Variants in UMAD1 observed in about 807,000 individuals in gnomAD.
UMAD1 encodes the protein UBAP1-MVB12-associated (UMA) domain containing 1, also known as UBAP1-MVB12-associated (UMA)-domain containing protein 1.
In UMAD1, 8 loss-of-function variants were observed where a neutral mutation model predicts 6.1. The observed-to-expected ratio is 1.30, with a 90% CI of 0.76 to 2.35. UMAD1 has a LOEUF of 2.35. Among genes scored for constraint, UMAD1 ranks in the 30% most tolerant of loss-of-function variants. UMAD1 has a pLI of 0.00. For synonymous variants in UMAD1, 56 were observed against 31.4 expected (o/e 1.78, Z -2.61); for missense variants, 130 against 78.4 (o/e 1.66, Z -2.49).
chr7:7,676,398 A>T (rs768842649), intron 2 of UMAD1, among the ~76,000 whole-genome samples: 9 of 152,240 alleles, frequency 5.9e-5, no homozygotes, highest in African/African-American at 1.7e-4. Flanking sequence ...AAGTTTCTCC[A>T]GTTAGTATGT....
intron 2 of UMAD1, among the ~76,000 whole-genome samples, chr7:7,774,924 C>T (rs113243329): frequency 0.015 from 2,341 of 152,260 alleles, 56 homozygotes; most frequent in African/African-American, 0.053. Context: ...GCAAAGGTAA[C>T]CTGTATCCTT....
intron 2 of UMAD1, among the ~76,000 whole-genome samples, chr7:7,775,785 A>C (rs1190971597): frequency 6.6e-6 from 1 of 152,234 alleles, no homozygotes; most frequent in Admixed American, 6.5e-5. Context: ...TGATGCAGCT[A>C]TTCTACTTCT....
intron 1 of UMAD1, among the ~76,000 whole-genome samples, chr7:7,660,838 A>T (rs1329731791): frequency 6.6e-6 from 1 of 152,118 alleles, no homozygotes; most frequent in South Asian, 2.1e-4. Context: ...CTGAATTTGA[A>T]TGTTGGCCTG....
At chr7:7,677,688 T>C (rs1167529475) in intron 2 of UMAD1, among the ~76,000 whole-genome samples, 1 of 143,864 alleles carries the variant, frequency 7.0e-6, no homozygotes, top group African/African-American at 2.6e-5. Context: ...TTTTTTTTTT[T>C]TTTGAGACGG....
At chr7:7,645,118 T>C (rs1785064712) in intron 1 of UMAD1, among the ~76,000 whole-genome samples, 1 of 152,194 alleles carries the variant, frequency 6.6e-6, no homozygotes, top group Non-Finnish European at 1.5e-5. Flanking sequence ...GAAATGCCAT[T>C]TTAAGAATTT....
At chr7:7,716,359 T>A (rs1470212297) in intron 2 of UMAD1, among the ~76,000 whole-genome samples, 1 of 152,240 alleles carries the variant, frequency 6.6e-6, no homozygotes, top group African/African-American at 2.4e-5. Context: ...TTAGTGAGGC[T>A]AAGAGAGTCC....
At chr7:7,727,631 A>C (rs1563159076) in intron 2 of UMAD1, among the ~76,000 whole-genome samples, 1 of 152,108 alleles carries the variant, frequency 6.6e-6, no homozygotes, top group Non-Finnish European at 1.5e-5. Context: ...ACCCACCCTT[A>C]ATCTGGGTGA....
intron 2 of UMAD1, among the ~76,000 whole-genome samples, chr7:7,775,785 A>G (rs1190971597): frequency 6.6e-6 from 1 of 152,234 alleles, no homozygotes; most frequent in Non-Finnish European, 1.5e-5. Flanking sequence ...TGATGCAGCT[A>G]TTCTACTTCT....
intron 2 of UMAD1, among the ~76,000 whole-genome samples, chr7:7,693,010 A>G (rs1015567371): frequency 3.3e-5 from 5 of 152,342 alleles, no homozygotes; most frequent in African/African-American, 2.4e-5. Flanking sequence ...CCTAAGGACC[A>G]TATGATTACA....
rs146286103 is a variant in UMAD1 at position 7,647,457 on chromosome 7, G to A, written c.-64+6636G>A. Among the ~76,000 whole-genome samples, 197 of 152,220 alleles carry A rather than the reference G, an allele frequency of 1.3e-3. 1 individual carries two copies. Among genetic ancestry groups the A allele is most frequent in the Non-Finnish European group, 1.5e-3 (100 of 68,000 alleles). On this transcript the variant is annotated intron_variant, in intron 1 of 3. Coordinates refer to ENST00000682710, the MANE Select transcript of UMAD1 (RefSeq NM_001302348.2). ...GCTTGGCAAAAAAATGTATTTTCCA[G>A]TTGTTGGATCCAGTGTGTAAATTGC...
intron 2 of UMAD1, among the ~76,000 whole-genome samples, chr7:7,785,599 A>G (rs1307507605): frequency 2.0e-5 from 3 of 152,230 alleles, no homozygotes; most frequent in Non-Finnish European, 4.4e-5. Context: ...TGAAGGAAGG[A>G]GAACAAGTAG....
At chr7:7,842,963 A>AG (rs1362134876) in intron 3 of UMAD1, among the ~76,000 whole-genome samples, 1 of 152,194 alleles carries the variant, frequency 6.6e-6, no homozygotes, top group African/African-American at 2.4e-5. Flanking sequence ...GTGACTGTGA[A>AG]GGGGGACGCT....
intron 2 of UMAD1, among the ~76,000 whole-genome samples, chr7:7,746,054 GGTC>G (rs1361174863): frequency 6.6e-6 from 1 of 152,088 alleles, no homozygotes; most frequent in African/African-American, 2.4e-5. Flanking sequence ...CCTTTCTGAA[GGTC>G]TTCTTTTCCT....
chr7:7,720,020 G>C (rs1198951083), intron 2 of UMAD1, among the ~76,000 whole-genome samples: 1 of 152,114 alleles, frequency 6.6e-6, no homozygotes, highest in Non-Finnish European at 1.5e-5. Context: ...TTCTTCCAGT[G>C]TACCTCAGAG....
intron 3 of UMAD1, among the ~76,000 whole-genome samples, chr7:7,856,252 A>G (rs999412070): frequency 3.3e-5 from 5 of 152,214 alleles, no homozygotes; most frequent in African/African-American, 1.2e-4. Flanking sequence ...TGTTATAAGG[A>G]AATACCCGAG....
intron 1 of UMAD1, among the ~76,000 whole-genome samples, chr7:7,642,654 G>A (rs931076768): frequency 2.0e-5 from 3 of 152,264 alleles, no homozygotes; most frequent in South Asian, 4.1e-4. Context: ...AATACATGAT[G>A]TACAGAAAAA....
intron 2 of UMAD1, chr7:7,742,391 C>T (rs1404608665): frequency 3.4e-6 from 2 of 585,908 alleles, no homozygotes; most frequent in African/African-American, 1.9e-5. Flanking sequence ...CCTCCGGAGT[C>T]GCAGTGTCTT....
Position 7,679,845 on chromosome 7 carries a change from G to A in UMAD1, c.82+6392G>A, listed in dbSNP as rs866134226. On this transcript the variant is annotated intron_variant, in intron 2 of 3. Coordinates refer to ENST00000682710, the MANE Select transcript of UMAD1 (RefSeq NM_001302348.2). The stretch of plus-strand genomic sequence containing the variant: ...CTCCCAAAGTGCTGGGATTACAGGC[G>A]TGAGCTGCTATGCCTGGCCTGCCCA... Among the ~76,000 whole-genome samples the A allele has an allele frequency of 2.0e-5, 3 of 151,282 alleles. No homozygotes were observed. The Admixed American group carries it at 2.0e-4, about 10-fold the overall frequency.
At chr7:7,730,879 A>G (rs563765973) in intron 2 of UMAD1, among the ~76,000 whole-genome samples, 1 of 151,918 alleles carries the variant, frequency 6.6e-6, no homozygotes, top group African/African-American at 2.4e-5. Context: ...GTCGGAGTGG[A>G]AGCAGTGGCG....
Sources: gnomAD v4.1 joint callset for allele counts (sites outside exome capture counted in the v4.1 genomes callset) on GRCh38, gnomAD v4.1.1 for gene constraint, MANE v1.5 for transcripts, NCBI Gene and HGNC (gene_info 2026-07-23, HGNC 2026-07-21) for gene names.